Variants in PCDH15 observed in about 807,000 individuals in gnomAD.
PCDH15 encodes protocadherin related 15.
A neutral mutation model predicts 178.5 loss-of-function variants in PCDH15; 129 were observed. That is an observed-to-expected ratio of 0.72 (90% confidence interval 0.63 to 0.84). The LOEUF is 0.84. Among genes scored for constraint, PCDH15 ranks in the 40% least tolerant of loss-of-function variants. The pLI, the probability that PCDH15 is intolerant of heterozygous loss-of-function variation, is 0.00. For missense variants in PCDH15, 2,230 were observed against 2,099.9 expected, an observed-to-expected ratio of 1.06 and a Z score of -1.21; for synonymous variants, 800 against 732.0, an observed-to-expected ratio of 1.09 and a Z score of -1.50.
intron 2 of PCDH15, among the ~76,000 whole-genome samples, chr10:54,554,743 C>A (rs2086984704): frequency 6.6e-6 from 1 of 152,040 alleles, no homozygotes; most frequent in Admixed American, 6.6e-5. Flanking sequence ...TGCAAAGAGC[C>A]CTAAACCAAA....
intron 2 of PCDH15, among the ~76,000 whole-genome samples, chr10:54,562,135 C>T (rs969295779): frequency 1.3e-5 from 2 of 151,646 alleles, no homozygotes; most frequent in Non-Finnish European, 2.9e-5. Flanking sequence ...TGAATACAGG[C>T]GCCTACCACC....
chr10:55,475,268 G>A (rs1448438651), intron 2 of PCDH15, among the ~76,000 whole-genome samples: 1 of 151,988 alleles, frequency 6.6e-6, no homozygotes, highest in Non-Finnish European at 1.5e-5. Flanking sequence ...CAACATAGGG[G>A]ACCAAGTTTC....
intron 1 of PCDH15, among the ~76,000 whole-genome samples, chr10:54,792,672 C>T (rs1299606152): frequency 6.6e-6 from 1 of 151,792 alleles, no homozygotes; most frequent in Non-Finnish European, 1.5e-5. Context: ...CATCAGTATT[C>T]CTGGATCTCC....
chr10:54,625,558 G>A (rs1238253613), intron 2 of PCDH15, among the ~76,000 whole-genome samples: 1 of 152,148 alleles, frequency 6.6e-6, no homozygotes, highest in Non-Finnish European at 1.5e-5. Context: ...GAGTTTGCCT[G>A]CACAAGCTCT....
chr10:55,432,233 G>C lies in PCDH15; in HGVS notation c.-156+195392C>G, dbSNP rs559782565. Among the ~76,000 whole-genome samples the C allele has an allele frequency of 2.6e-5, 4 of 152,250 alleles. No individual in the cohort carries two copies. In the South Asian group the frequency reaches 8.3e-4, roughly 32 times the overall value. On this transcript the variant is annotated intron_variant, in intron 2 of 5. Transcript: ENST00000613346. ...GGATATTTTGCAAAACAGAATTACA[G>C]ATAAATGTTCAAAGATCTAAATCAG...
At position 54,923,276 on chromosome 10, in the gene PCDH15, C is replaced by A. The variant is rs553555430; in HGVS notation, c.-79-25776G>T. Among the ~76,000 whole-genome samples the A allele has an allele frequency of 5.1e-4, 71 of 138,584 alleles. 15 individuals are homozygous for A. The highest frequency in any genetic ancestry group is 9.8e-4 in the Non-Finnish European group (58 of 59,458). The allele number at this position is 138,584 out of a possible 152,430, so 90.9% of individuals were successfully genotyped here. A position where few individuals can be genotyped will look rare whatever the true frequency, so the allele number is the denominator to read the frequency against. On this transcript the variant is annotated intron_variant, in intron 2 of 5. Transcript: ENST00000458638. The stretch of plus-strand genomic sequence containing the variant: ...GGGTCCCTGGGTCTAGCCCATGAAA[C>A]CAATTTTTTTCTCCAAGGCCTCCAG...
At chr10:54,778,218 G>T (rs1949913153) in intron 1 of PCDH15, among the ~76,000 whole-genome samples, 1 of 152,164 alleles carries the variant, frequency 6.6e-6, no homozygotes, top group Non-Finnish European at 1.5e-5. Context: ...AGTTCAACAA[G>T]GGAATCCAGT....
intron 2 of PCDH15, among the ~76,000 whole-genome samples, chr10:54,660,763 C>T (rs964969948): frequency 6.6e-6 from 1 of 152,136 alleles, no homozygotes; most frequent in East Asian, 1.9e-4. Context: ...TAATTTGTCA[C>T]AGTCAAGTGG....
At chr10:55,523,821 C>G (rs1841241060) in intron 2 of PCDH15, among the ~76,000 whole-genome samples, 1 of 151,622 alleles carries the variant, frequency 6.6e-6, no homozygotes, top group Non-Finnish European at 1.5e-5. Flanking sequence ...TGTAGTAACA[C>G]ATGCTCAATT....
At chr10:54,246,354 T>G (rs1309478213) in intron 8 of PCDH15, among the ~76,000 whole-genome samples, 2 of 151,936 alleles carry the variant, frequency 1.3e-5, no homozygotes, top group South Asian at 4.1e-4. Flanking sequence ...AGAGATGGCC[T>G]GATTTGTAAT....
At position 53,822,876 on chromosome 10, in the gene PCDH15, T is replaced by C. The variant is rs111033362; in HGVS notation, c.4368-2646A>G. ...CAATGGATTGCTGCTACCTCTTTTG[T>C]TTGTACAGATTCCAGTGTTTTCATT... On this transcript the variant is annotated intron_variant, in intron 32 of 37. Transcript: ENST00000644397. The C allele has an allele frequency of 8.9e-3, 14,385 of 1,614,112 alleles. 81 individuals are homozygous for C. Among genetic ancestry groups the C allele is most frequent in the Non-Finnish European group, 0.011 (13,032 of 1,179,954 alleles).
At chr10:54,410,125 G>A (rs1024691546) in intron 3 of PCDH15, among the ~76,000 whole-genome samples, 1 of 152,106 alleles carries the variant, frequency 6.6e-6, no homozygotes, top group Non-Finnish European at 1.5e-5. Context: ...TAGACAAAAT[G>A]TCAGTATTAA....
At chr10:55,093,930 T>C (rs1227189966) in intron 2 of PCDH15, among the ~76,000 whole-genome samples, 5 of 152,098 alleles carry the variant, frequency 3.3e-5, no homozygotes, top group Non-Finnish European at 2.9e-5. Flanking sequence ...AGGAACACTT[T>C]TACACTGTTG....
intron 3 of PCDH15, among the ~76,000 whole-genome samples, chr10:54,869,363 C>A (rs1053606221): frequency 6.6e-6 from 1 of 152,102 alleles, no homozygotes; most frequent in African/African-American, 2.4e-5. Context: ...AAACTTCTAG[C>A]CTCCAGATAA....
chr10:55,098,930 G>C (rs1842513020), intron 2 of PCDH15, among the ~76,000 whole-genome samples: 1 of 145,118 alleles, frequency 6.9e-6, no homozygotes, highest in South Asian at 2.3e-4. Flanking sequence ...GAGAGAGAGA[G>C]AGAGCTCTTA....
intron 2 of PCDH15, among the ~76,000 whole-genome samples, chr10:54,997,978 C>T (rs1214007946): frequency 6.6e-6 from 1 of 151,798 alleles, no homozygotes; most frequent in East Asian, 1.9e-4. Context: ...CTATAAAATC[C>T]AATAATTGGT....
intron 2 of PCDH15, among the ~76,000 whole-genome samples, chr10:54,997,713 T>A (rs1839682826): frequency 6.6e-6 from 1 of 152,170 alleles, no homozygotes; most frequent in Non-Finnish European, 1.5e-5. Flanking sequence ...AAACCTAATA[T>A]TTACAGGTTA....
At chr10:55,083,794 C>T (rs1331579511) in intron 2 of PCDH15, among the ~76,000 whole-genome samples, 1 of 151,564 alleles carries the variant, frequency 6.6e-6, no homozygotes, top group Non-Finnish European at 1.5e-5. Flanking sequence ...TGAAAAAGAA[C>T]TCAAGAAAGT....
intron 2 of PCDH15, among the ~76,000 whole-genome samples, chr10:54,909,049 T>C (rs967079176): frequency 6.6e-6 from 1 of 152,200 alleles, no homozygotes; most frequent in Non-Finnish European, 1.5e-5. Flanking sequence ...GTAGTTTCTC[T>C]CTGCAGCTGG....
Sources: allele counts gnomAD v4.1 joint callset (sites outside exome capture counted in the v4.1 genomes callset), GRCh38; gene constraint gnomAD v4.1.1; transcripts MANE v1.5; gene names NCBI Gene and HGNC (gene_info 2026-07-23, HGNC 2026-07-21).